Variants in NLGN1 observed in about 807,000 individuals in gnomAD.
NLGN1 encodes the protein neuroligin-1.
A neutral mutation model predicts 65.5 loss-of-function variants in NLGN1; 12 were observed. That is an observed-to-expected ratio of 0.18 (90% CI 0.12 to 0.30). The LOEUF is 0.30. NLGN1 is among the 10% of genes least tolerant of loss of function. The probability of loss-of-function intolerance (pLI) is 1.00; values close to 1 mark genes in which losing one functional copy is unlikely to be tolerated. For synonymous variants in NLGN1, 350 were observed against 359.5 expected, an observed-to-expected ratio of 0.97 and a Z score of 0.30; for missense variants, 750 against 1,007.1, an observed-to-expected ratio of 0.74 and a Z score of 3.46.
chr3:173,400,157 A>G (rs1717395161), intron 1 of NLGN1, among the ~76,000 whole-genome samples: 1 of 152,212 alleles, frequency 6.6e-6, no homozygotes, highest in Admixed American at 6.5e-5. Context: ...GTCGGTTTCC[A>G]TCTTACTGGA....
At chr3:174,081,333 CA>C (rs1347212115) in intron 4 of NLGN1, among the ~76,000 whole-genome samples, 2 of 152,108 alleles carry the variant, frequency 1.3e-5, no homozygotes, top group Non-Finnish European at 2.9e-5. Context: ...GGCTTATAAA[CA>C]ACAGAAATTT....
At chr3:173,405,407 C>G (rs201896463) in intron 1 of NLGN1, among the ~76,000 whole-genome samples, 1 of 151,972 alleles carries the variant, frequency 6.6e-6, no homozygotes, top group Non-Finnish European at 1.5e-5. Context: ...TCTATGGCTA[C>G]TATGCCTCCA....
At chr3:174,077,402 C>T (rs901796010) in intron 4 of NLGN1, among the ~76,000 whole-genome samples, 1 of 152,056 alleles carries the variant, frequency 6.6e-6, no homozygotes, top group Non-Finnish European at 1.5e-5. Flanking sequence ...AGTGAAACTT[C>T]TGTTGTTTAA....
At chr3:173,809,073 G>C (rs1052737666) in intron 4 of NLGN1, among the ~76,000 whole-genome samples, 15 of 148,770 alleles carry the variant, frequency 1.0e-4, no homozygotes, top group African/African-American at 3.7e-4. Flanking sequence ...TTGAAATTTG[G>C]AGTGTGGTGA....
At chr3:173,602,578 G>A (rs1234374737) in intron 2 of NLGN1, among the ~76,000 whole-genome samples, 1 of 151,968 alleles carries the variant, frequency 6.6e-6, no homozygotes, top group Non-Finnish European at 1.5e-5. Context: ...TACAAAAAAA[G>A]GAGTGTTATT....
chr3:174,225,723 T>G (rs112515916), intron 4 of NLGN1, among the ~76,000 whole-genome samples: 14,293 of 149,040 alleles, frequency 0.096, 1,483 homozygotes, highest in African/African-American at 0.26. Context: ...AGAGCGAGAC[T>G]CCGTCTCAAA....
At chr3:174,045,485 T>C (rs143205363) in intron 4 of NLGN1, among the ~76,000 whole-genome samples, 190 of 152,204 alleles carry the variant, frequency 1.2e-3, no homozygotes, top group African/African-American at 4.4e-3. Context: ...TCTCCTGCAA[T>C]ACATGGGGAG....
chr3:173,983,942 T>C (rs745678730), intron 4 of NLGN1, among the ~76,000 whole-genome samples: 4 of 152,198 alleles, frequency 2.6e-5, no homozygotes, highest in African/African-American at 4.8e-5. Context: ...CTCCAATACA[T>C]ACTTGTGGAT....
rs944684096 is a variant in NLGN1 at position 174,261,743 on chromosome 3, G to C, written c.647-13572G>C. On this transcript the variant is annotated intron_variant, in intron 4 of 6. Coordinates refer to ENST00000457714, the Ensembl canonical transcript of NLGN1. The stretch of plus-strand genomic sequence containing the variant: ...CTATTGAATAGGAGTGGTGAGAGAG[G>C]GCATCCCTGTCTTGTGCCAGTTTTC... Among the ~76,000 whole-genome samples the C allele has an allele frequency of 4.9e-5, 7 of 143,154 alleles. 2 individuals are homozygous for C. The highest frequency in any genetic ancestry group is 7.6e-5 in the Non-Finnish European group (5 of 66,128). 93.9% of individuals were successfully genotyped at this position (143,154 alleles called of 152,430 possible).
chr3:174,281,095 G>A lies in NLGN1; in HGVS notation c.2264G>A (p.Arg755Gln), dbSNP rs527860138. 49 of 1,613,176 alleles carry A rather than the reference G, an allele frequency of 3.0e-5. No individual in the cohort carries two copies. Among genetic ancestry groups the A allele is most frequent in the Middle Eastern group, 1.7e-4 (1 of 6,050 alleles). Reference sequence around the variant, plus strand: ...ATTCATCCACATGAGGTGGTTCTTCGGACCGCCTGTCCCCCAGATTACACA... The same window carrying A: ...ATTCATCCACATGAGGTGGTTCTTCAGACCGCCTGTCCCCCAGATTACACA... Residue 755 changes from arginine to glutamine, a missense_variant, in exon 7 of 7, where the codon CGG becomes CAG. Arg to Gln is a conservative substitution (Grantham distance 43). Coordinates refer to ENST00000457714, the Ensembl canonical transcript of NLGN1.
At chr3:173,518,197 A>G (rs1171929127) in intron 2 of NLGN1, among the ~76,000 whole-genome samples, 2 of 152,180 alleles carry the variant, frequency 1.3e-5, no homozygotes, top group South Asian at 2.1e-4. Context: ...GATTGGTTAA[A>G]AAGTATCTTA....
chr3:173,410,625 A>C (rs1410179346), intron 1 of NLGN1, among the ~76,000 whole-genome samples: 1 of 152,218 alleles, frequency 6.6e-6, no homozygotes, highest in Non-Finnish European at 1.5e-5. Context: ...TCAGCATTAG[A>C]ATGTGAAAAC....
rs901127355 is a variant in NLGN1 at position 174,263,931 on chromosome 3, C to T, written c.647-11384C>T. On this transcript the variant is annotated intron_variant, in intron 4 of 6. Transcript: ENST00000457714. The stretch of plus-strand genomic sequence containing the variant: ...TTGTCTGTAAAGTATTTTATTTCTC[C>T]TTCACTTATGAAGCTTAGTTTGGCT... 2.4e-4 allele frequency among the ~76,000 whole-genome samples: 37 copies of T among 151,036 alleles called. No individual in the cohort carries two copies. The East Asian group carries it at 3.3e-3, about 14-fold the overall frequency.
chr3:173,560,217 A>T (rs943664643), intron 2 of NLGN1, among the ~76,000 whole-genome samples: 1 of 152,104 alleles, frequency 6.6e-6, no homozygotes, highest in African/African-American at 2.4e-5. Flanking sequence ...TACAAGCGTG[A>T]GCCACCGCGC....
intron 2 of NLGN1, among the ~76,000 whole-genome samples, chr3:173,457,776 G>A (rs992343987): frequency 2.0e-5 from 3 of 152,212 alleles, no homozygotes; most frequent in Admixed American, 6.6e-5. Flanking sequence ...AGGAGGTGGA[G>A]ATGATGAAAA....
intron 3 of NLGN1, among the ~76,000 whole-genome samples, chr3:173,673,315 G>C (rs77256605): frequency 6.6e-6 from 1 of 152,130 alleles, no homozygotes; most frequent in Non-Finnish European, 1.5e-5. Flanking sequence ...CTCTTAATAT[G>C]TAACGATATG....
chr3:173,541,529 T>A (rs1352407160), intron 2 of NLGN1, among the ~76,000 whole-genome samples: 1 of 152,128 alleles, frequency 6.6e-6, no homozygotes, highest in Admixed American at 6.6e-5. Flanking sequence ...AAGGTTTAGC[T>A]ATGCTGTTTG....
chr3:173,698,577 A>T (rs1766601135), intron 3 of NLGN1, among the ~76,000 whole-genome samples: 1 of 152,178 alleles, frequency 6.6e-6, no homozygotes, highest in Non-Finnish European at 1.5e-5. Flanking sequence ...CTCAGTATAT[A>T]CCTTGCTCTA....
At chr3:173,718,046 G>A (rs1296145285) in intron 3 of NLGN1, among the ~76,000 whole-genome samples, 3 of 151,748 alleles carry the variant, frequency 2.0e-5, no homozygotes, top group East Asian at 1.9e-4. Context: ...ACATATATAC[G>A]GGGCACATGT....
Sources: gnomAD v4.1 joint callset for allele counts (sites outside exome capture counted in the v4.1 genomes callset) on GRCh38, gnomAD v4.1.1 for gene constraint, MANE v1.5 for transcripts, NCBI Gene and HGNC (gene_info 2026-07-23, HGNC 2026-07-21) for gene names.